The following EXOC4 variants were observed in gnomAD, a reference collection of about 807,000 sequenced individuals.
EXOC4 encodes SEC8-like 1.
A neutral mutation model predicts 107.2 loss-of-function variants in EXOC4; 71 were observed. The ratio of observed to expected loss-of-function variants is 0.66; its 90% CI spans 0.55 to 0.81. EXOC4 has a LOEUF of 0.81. Ranked by LOEUF, EXOC4 falls within the 30% of genes least tolerant of loss-of-function variation. EXOC4 has a pLI of 0.00. For missense variants in EXOC4, 1,108 were observed against 1,189.6 expected, an observed-to-expected ratio of 0.93 and a Z score of 1.01; for synonymous variants, 456 against 441.2, an observed-to-expected ratio of 1.03 and a Z score of -0.42.
At chr7:133,865,295 A>G (rs1360219877) in intron 11 of EXOC4, among the ~76,000 whole-genome samples, 5 of 152,182 alleles carry the variant, frequency 3.3e-5, no homozygotes, top group African/African-American at 1.2e-4. Context: ...AGATGAATAC[A>G]TAAATATAGT....
At chr7:134,076,703 T>TTCTA in the EXOC4 span, among the ~76,000 whole-genome samples, 1 of 102,402 alleles carries the variant, frequency 9.8e-6, no homozygotes, top group Non-Finnish European at 2.1e-5. Flanking sequence ...TCATCTATAA[T>TTCTA]TGTATATATA....
At chr7:133,823,867 A>AT (rs1440391342) in intron 11 of EXOC4, among the ~76,000 whole-genome samples, 41 of 12,366 alleles carry the variant, frequency 3.3e-3, no homozygotes, top group East Asian at 0.014. Flanking sequence ...ATATATATAT[A>AT]TATATTATAT....
intron 6 of EXOC4, among the ~76,000 whole-genome samples, chr7:133,369,031 T>G (rs955379905): frequency 6.6e-6 from 1 of 152,186 alleles, no homozygotes; most frequent in South Asian, 2.1e-4. Flanking sequence ...ATATTTTCTG[T>G]TGGGAGTTGG....
chr7:133,409,400 C>A (rs1231936801), intron 7 of EXOC4, among the ~76,000 whole-genome samples: 6 of 152,172 alleles, frequency 3.9e-5, no homozygotes, highest in African/African-American at 1.4e-4. Context: ...CACCTCCACC[C>A]TCCATCTTCT....
At chr7:133,313,841 G>A (rs868026960) in intron 4 of EXOC4, among the ~76,000 whole-genome samples, 3 of 152,100 alleles carry the variant, frequency 2.0e-5, no homozygotes, top group Admixed American at 2.0e-4. Flanking sequence ...CCTCTACCAT[G>A]TTGCTATTGG....
chr7:133,664,482 A>G (rs1434732574), intron 10 of EXOC4, among the ~76,000 whole-genome samples: 1 of 152,164 alleles, frequency 6.6e-6, no homozygotes, highest in African/African-American at 2.4e-5. Context: ...TCAAGACAAC[A>G]GTTTTCCACC....
intron 9 of EXOC4, among the ~76,000 whole-genome samples, chr7:133,607,677 ATC>A (rs1005738635): frequency 2.0e-5 from 3 of 152,200 alleles, no homozygotes; most frequent in African/African-American, 7.2e-5. Flanking sequence ...TAATTTCTCC[ATC>A]TCTCTCGTGC....
chr7:133,278,574 C>G (rs1794052987), intron 2 of EXOC4, among the ~76,000 whole-genome samples: 1 of 152,040 alleles, frequency 6.6e-6, no homozygotes, highest in Non-Finnish European at 1.5e-5. Flanking sequence ...GATCCCAAGT[C>G]AGGGGCATGA....
chr7:133,429,723 A>G (rs1317273237), intron 7 of EXOC4, among the ~76,000 whole-genome samples: 1 of 152,230 alleles, frequency 6.6e-6, no homozygotes, highest in African/African-American at 2.4e-5. Flanking sequence ...CTTTCTGACT[A>G]GCTTCTTTCA....
At chr7:133,733,982 C>T (rs1268149597) in intron 10 of EXOC4, among the ~76,000 whole-genome samples, 1 of 152,174 alleles carries the variant, frequency 6.6e-6, no homozygotes, top group East Asian at 1.9e-4. Context: ...AAAAAAGTGC[C>T]TAAGTTAACA....
intron 5 of EXOC4, among the ~76,000 whole-genome samples, chr7:133,334,766 T>G (rs1437776815): frequency 6.8e-6 from 1 of 148,016 alleles, no homozygotes; most frequent in Non-Finnish European, 1.5e-5. Flanking sequence ...TGTTCCCCTC[T>G]ATATGTCCAT....
rs191825110 is a variant in EXOC4, at chr7:133,509,041, C to T, written c.1417+28903C>T. Among the ~76,000 whole-genome samples the T allele has an allele frequency of 1.1e-3, 175 of 152,234 alleles. 1 individual carries two copies. The highest frequency in any genetic ancestry group is 2.4e-4 in the Non-Finnish European group (16 of 68,016). ...AGTATCCAATTACCCACCTTTTCTC[C>T]TCCTTTTTTACCCCTTCTTATTGTA... On this transcript the variant is annotated intron_variant, in intron 9 of 17. Transcript: ENST00000253861.
intron 10 of EXOC4, among the ~76,000 whole-genome samples, chr7:133,750,468 G>T (rs1034989268): frequency 1.4e-4 from 21 of 152,132 alleles, no homozygotes; most frequent in Non-Finnish European, 3.1e-4. Context: ...ATGTAAAGCA[G>T]AATGCCTGTG....
At position 133,356,304 on chromosome 7, in the gene EXOC4, ATTATTG is replaced by A; in HGVS notation, c.764-20_764-15del. ...GGGTTTTTGAGTGGAGTCTGTATCT[ATTATTG>A]TTATTATTTAATTTTTCAGTGAGGG... On this transcript the variant is annotated intron_variant, in intron 5 of 17. Transcript: ENST00000253861. 6.2e-7 allele frequency: 1 copy of A among 1,611,632 alleles called. No homozygotes were observed. The highest frequency in any genetic ancestry group is 8.5e-7 in the Non-Finnish European group (1 of 1,178,808).
chr7:133,817,535 T>TC lies in EXOC4; in HGVS notation c.1726dup (p.Leu576ProfsTer21). 1 of 1,612,496 alleles carries TC rather than the reference T, an allele frequency of 6.2e-7. No individual in the cohort carries two copies. The highest frequency in any genetic ancestry group is 8.5e-7 in the Non-Finnish European group (1 of 1,178,546). ...TGAAGGTGCTGGGAGTGCAGCGGCCTCTCCTACAGGTAATAATACACTTTG... is the reference window on the plus strand; with the variant it reads ...TGAAGGTGCTGGGAGTGCAGCGGCCTCCTCCTACAGGTAATAATACACTTTG... On this transcript the variant is annotated frameshift_variant, in exon 11 of 18. Transcript: ENST00000253861. LOFTEE classifies it high-confidence loss of function.
chr7:134,074,785 G>A, the EXOC4 span, among the ~76,000 whole-genome samples: 5 of 152,328 alleles, frequency 3.3e-5, no homozygotes, highest in East Asian at 1.9e-4. Flanking sequence ...CAACACACAC[G>A]AATCCACTAT....
At chr7:133,453,710 A>G (rs1946302) in intron 7 of EXOC4, among the ~76,000 whole-genome samples, 75,289 of 151,772 alleles carry the variant, frequency 0.5, 19,068 homozygotes, top group East Asian at 0.6. Context: ...TAAAGAGAGT[A>G]TTCTTTTTAC....
intron 14 of EXOC4, among the ~76,000 whole-genome samples, chr7:133,952,851 A>G (rs1800724298): frequency 6.6e-6 from 1 of 152,200 alleles, no homozygotes; most frequent in South Asian, 2.1e-4. Context: ...GCTGCATGAT[A>G]TTCTATTGAA....
At chr7:133,647,097 T>C (rs367984012) in intron 10 of EXOC4, among the ~76,000 whole-genome samples, 3 of 152,322 alleles carry the variant, frequency 2.0e-5, no homozygotes, top group South Asian at 4.1e-4. Context: ...CACTAAATGT[T>C]TGACGGCACG....
Sources: allele counts gnomAD v4.1 joint callset (sites outside exome capture counted in the v4.1 genomes callset), GRCh38; gene constraint gnomAD v4.1.1; transcripts MANE v1.5; gene names NCBI Gene and HGNC (gene_info 2026-07-23, HGNC 2026-07-21).